The following SVEP1 variants were observed in gnomAD, a reference collection of about 807,000 sequenced individuals.
SVEP1 encodes the protein sushi, von Willebrand factor type A, EGF and pentraxin domain-containing protein 1.
In SVEP1, 164 loss-of-function variants were observed where a neutral mutation model predicts 367.3. The observed-to-expected ratio is 0.45, with a 90% CI of 0.39 to 0.51. SVEP1 has a LOEUF of 0.51. Ranked by LOEUF, SVEP1 falls within the 20% of genes least tolerant of loss-of-function variation. The pLI is 0.00. For synonymous variants in SVEP1, 1,666 were observed against 1,611.6 expected, an observed-to-expected ratio of 1.03 and a Z score of -0.81; for missense variants, 4,117 against 4,425.3, an observed-to-expected ratio of 0.93 and a Z score of 1.98.
intron 3 of SVEP1, 62 bp downstream of exon 3, chr9:110,546,053 G>A: frequency 6.6e-7 from 1 of 1,522,802 alleles, no homozygotes; most frequent in Non-Finnish European, 8.9e-7. Flanking sequence ...TATAGCCATT[G>A]CATTTTAGAA....
At chr9:110,437,785 C>A (rs1828453778) in intron 27 of SVEP1, among the ~76,000 whole-genome samples, 1 of 152,070 alleles carries the variant, frequency 6.6e-6, no homozygotes, top group Non-Finnish European at 1.5e-5. Flanking sequence ...TATCCCTCAC[C>A]CACTTCTCAC....
At position 110,379,438 on chromosome 9, in the gene SVEP1, G is replaced by A. The variant is rs1827401782; in HGVS notation, c.10317C>T (p.Thr3439=). 6.2e-7 allele frequency: 1 copy of A among 1,613,692 alleles called. No individual in the cohort carries two copies. The highest frequency in any genetic ancestry group is 8.5e-7 in the Non-Finnish European group (1 of 1,179,726). Residue 3439 remains threonine (T), a synonymous_variant, in exon 44 of 48, where the codon ACC becomes ACT. Coordinates refer to ENST00000374469, the MANE Select transcript of SVEP1 (RefSeq NM_153366.4). ...GVHYQYGDMI[T]YSCYSGYMLE... is the part of the protein sequence containing the mutation. ...ACATGTATCCACTGTAACATGAGTA[G>A]GTGATCATGTCTCCATATTGATAAT...
At chr9:110,436,257 C>T (rs1828428979) in intron 28 of SVEP1, 123 bp downstream of exon 28, 3 of 1,252,840 alleles carry the variant, frequency 2.4e-6, no homozygotes, top group South Asian at 3.9e-5. Context: ...TCAAATGATA[C>T]TGGTGATAAA....
chr9:110,486,302 C>A (rs1829276013), intron 9 of SVEP1, among the ~76,000 whole-genome samples: 3 of 152,116 alleles, frequency 2.0e-5, no homozygotes. Context: ...AAAGTTAAAT[C>A]ACAGGTGCAA....
chr9:110,448,148 T>TGTGC (rs959827995), intron 24 of SVEP1, among the ~76,000 whole-genome samples: 69 of 69,508 alleles, frequency 9.9e-4, no homozygotes, highest in African/African-American at 2.8e-3. Flanking sequence ...TGTGTGTGTG[T>TGTGC]GCGCGTGTGT....
chr9:110,447,628 T>C (rs1004310590), intron 24 of SVEP1, among the ~76,000 whole-genome samples: 29 of 152,230 alleles, frequency 1.9e-4, no homozygotes, highest in African/African-American at 7.0e-4. Context: ...TGTCAAATGT[T>C]GACAAGAGTG....
intron 18 of SVEP1, among the ~76,000 whole-genome samples, chr9:110,465,069 T>C (rs552687447): frequency 6.6e-6 from 1 of 152,232 alleles, no homozygotes; most frequent in East Asian, 1.9e-4. Context: ...TTTAAACCAG[T>C]GGTTCTCAAT....
At chr9:110,492,381 G>A (rs1200016530) in intron 8 of SVEP1, among the ~76,000 whole-genome samples, 2 of 151,996 alleles carry the variant, frequency 1.3e-5, no homozygotes, top group Non-Finnish European at 2.9e-5. Context: ...TAAACTATAA[G>A]CGGCTGAAAA....
At chr9:110,578,018 A>G (rs1830645786) in intron 1 of SVEP1, among the ~76,000 whole-genome samples, 1 of 152,164 alleles carries the variant, frequency 6.6e-6, no homozygotes, top group Admixed American at 6.5e-5. Context: ...AATTTATACA[A>G]CCCTCCAAGG....
chr9:110,470,964 C>T lies in SVEP1; in HGVS notation c.2998+400G>A, dbSNP rs192584014. On this transcript the variant is annotated intron_variant, in intron 16 of 47. Coordinates refer to ENST00000374469, the MANE Select transcript of SVEP1 (RefSeq NM_153366.4). ...AATGGGTAAGTCTTAGGGGCAAATT[C>T]GTAGCCTCTCTGGCTTCAGTTTTCT... 7.9e-4 allele frequency among the ~76,000 whole-genome samples: 120 copies of T among 152,020 alleles called. 1 individual carries two copies. The highest frequency in any genetic ancestry group is 2.7e-3 in the African/African-American group (113 of 41,478).
rs115174114 is a variant in SVEP1 at position 110,436,930 on chromosome 9, C to T, written c.4640-426G>A. Reference sequence around the variant, plus strand: ...AACTTTCTAAAGTTGCCAGGAGTCTCGTAATTGCCAAATTCAATAAAAATT... The same window carrying T: ...AACTTTCTAAAGTTGCCAGGAGTCTTGTAATTGCCAAATTCAATAAAAATT... On this transcript the variant is annotated intron_variant, in intron 27 of 47. Transcript: ENST00000374469. Among the ~76,000 whole-genome samples, 1,226 of 152,200 alleles carry T rather than the reference C, an allele frequency of 8.1e-3. 16 individuals carry two copies. The highest frequency in any genetic ancestry group is 0.028 in the African/African-American group (1,154 of 41,518).
intron 47 of SVEP1, 98 bp downstream of exon 47, chr9:110,369,825 G>T: frequency 1.0e-6 from 1 of 966,070 alleles, no homozygotes; most frequent in East Asian, 2.7e-5. Context: ...AATACTTACA[G>T]TCAAACTAGA....
intron 13 of SVEP1, among the ~76,000 whole-genome samples, chr9:110,479,054 A>ATT (rs1829144790): frequency 1.3e-5 from 2 of 151,788 alleles, no homozygotes; most frequent in African/African-American, 4.8e-5. Flanking sequence ...AGTAGCTGGG[A>ATT]TTACAGGCAC....
At chr9:110,511,642 C>T (rs553359876) in intron 5 of SVEP1, among the ~76,000 whole-genome samples, 2 of 151,484 alleles carry the variant, frequency 1.3e-5, no homozygotes, top group South Asian at 4.2e-4. Context: ...TCTTTTCTGT[C>T]AGGTCTCTTT....
At chr9:110,524,892 T>A (rs918709058) in intron 3 of SVEP1, among the ~76,000 whole-genome samples, 1 of 151,872 alleles carries the variant, frequency 6.6e-6, no homozygotes, top group Non-Finnish European at 1.5e-5. Context: ...TTGTACTTTT[T>A]GTAGAGATGG....
At chr9:110,510,828 T>C (rs1282132387) in intron 5 of SVEP1, among the ~76,000 whole-genome samples, 1 of 152,256 alleles carries the variant, frequency 6.6e-6, no homozygotes, top group African/African-American at 2.4e-5. Flanking sequence ...AACTATTGAC[T>C]TCACGAAAAT....
At chr9:110,429,060 C>T in intron 35 of SVEP1, 83 bp downstream of exon 35, 1 of 1,192,914 alleles carries the variant, frequency 8.4e-7, no homozygotes, top group Non-Finnish European at 1.1e-6. Context: ...CACAGTGAGA[C>T]CATGTCTCAA....
At chr9:110,540,819 A>AT (rs1830134777) in intron 3 of SVEP1, among the ~76,000 whole-genome samples, 1 of 152,152 alleles carries the variant, frequency 6.6e-6, no homozygotes, top group Non-Finnish European at 1.5e-5. Context: ...TTATTACAAT[A>AT]TTTTTGTGCA....
chr9:110,538,369 A>G (rs1317721731), intron 3 of SVEP1, among the ~76,000 whole-genome samples: 1 of 152,058 alleles, frequency 6.6e-6, no homozygotes, highest in African/African-American at 2.4e-5. Context: ...CACTGAGGAT[A>G]TTTTTGGGGA....
Sources: allele counts gnomAD v4.1 joint callset (sites outside exome capture counted in the v4.1 genomes callset), GRCh38; gene constraint gnomAD v4.1.1; transcripts MANE v1.5; gene names NCBI Gene and HGNC (gene_info 2026-07-23, HGNC 2026-07-21).